Variants in ST3GAL2 observed in about 807,000 individuals in gnomAD.
ST3GAL2 encodes the protein CMP-N-acetylneuraminate-beta-galactosamide-alpha-2,3-sialyltransferase 2.
A neutral mutation model predicts 37.5 loss-of-function variants in ST3GAL2; 16 were observed. The ratio of observed to expected loss-of-function variants is 0.43; its 90% CI spans 0.29 to 0.65. The LOEUF (loss-of-function observed/expected upper bound fraction) is 0.65, where lower values mean the gene tolerates loss of function less well. Among genes scored for constraint, ST3GAL2 ranks in the 30% least tolerant of loss-of-function variants. ST3GAL2 has a pLI of 0.17. For missense variants in ST3GAL2, 383 were observed against 487.8 expected (o/e 0.79, Z 2.02); for synonymous variants, 238 against 202.9 (o/e 1.17, Z -1.47).
intron 1 of ST3GAL2, among the ~76,000 whole-genome samples, chr16:70,419,743 G>T (rs937051665): frequency 5.9e-5 from 9 of 152,184 alleles, no homozygotes; most frequent in African/African-American, 2.2e-4. Context: ...AAAGGTACAG[G>T]TGAAAACATG....
chr16:70,382,733 T>A (rs1246570244), intron 6 of ST3GAL2, 72 bp downstream of exon 6: 12 of 1,596,936 alleles, frequency 7.5e-6, no homozygotes, highest in Admixed American at 3.4e-5. Flanking sequence ...TCTGTTAGCC[T>A]GCTAAGACCC....
chr16:70,402,238 G>A (rs908502045), intron 1 of ST3GAL2, among the ~76,000 whole-genome samples: 6 of 141,998 alleles, frequency 4.2e-5, no homozygotes, highest in African/African-American at 1.6e-4. Flanking sequence ...GTGGGAGATC[G>A]TGCCAATGCA....
chr16:70,381,478 G>T lies in ST3GAL2; in HGVS notation c.*211C>A. 3.2e-6 allele frequency: 2 copies of T among 618,118 alleles called. No homozygotes were observed. Among genetic ancestry groups the T allele is most frequent in the Non-Finnish European group, 5.6e-6 (2 of 360,326 alleles). The allele number at this position is 618,118 out of a possible 1,614,324, so 38.3% of individuals were successfully genotyped here. On this transcript the variant is annotated 3_prime_UTR_variant, in exon 7 of 7. Coordinates refer to ENST00000342907, the MANE Select transcript of ST3GAL2 (RefSeq NM_006927.4). Reference sequence around the variant, plus strand: ...ACACAGCGCCGGAAGTTTTCCTTGAGTCACATGATTGGCTGGGAGAAACAG... The same window carrying T: ...ACACAGCGCCGGAAGTTTTCCTTGATTCACATGATTGGCTGGGAGAAACAG...
At chr16:70,415,096 G>T (rs1041742023) in intron 1 of ST3GAL2, among the ~76,000 whole-genome samples, 18 of 152,062 alleles carry the variant, frequency 1.2e-4, no homozygotes, top group African/African-American at 4.1e-4. Context: ...GGATGGTCTC[G>T]ATCTCCTTAC....
intron 1 of ST3GAL2, among the ~76,000 whole-genome samples, chr16:70,431,352 C>A (rs914092191): frequency 6.6e-6 from 1 of 152,206 alleles, no homozygotes; most frequent in Non-Finnish European, 1.5e-5. Flanking sequence ...GCTGCCTGCC[C>A]GCAGGGCTAG....
rs115676983 is a variant in ST3GAL2 at position 70,421,162 on chromosome 16, T to A, written c.-1004+17787A>T. ...AGAGCCCAGCACACACCTGCCTTCATGGTCCCGAGCTCCAGCTGAGCAGTC... is the reference window on the plus strand; with the variant it reads ...AGAGCCCAGCACACACCTGCCTTCAAGGTCCCGAGCTCCAGCTGAGCAGTC... On this transcript the variant is annotated intron_variant, in intron 1 of 6. Coordinates refer to ENST00000342907, the MANE Select transcript of ST3GAL2 (RefSeq NM_006927.4). Among the ~76,000 whole-genome samples the A allele has an allele frequency of 1.6e-3, 243 of 152,330 alleles. 1 individual carries two copies. Among genetic ancestry groups the A allele is most frequent in the African/African-American group, 5.2e-3 (217 of 41,580 alleles).
intron 3 of ST3GAL2, among the ~76,000 whole-genome samples, chr16:70,389,469 C>T (rs1002548154): frequency 6.6e-6 from 1 of 151,588 alleles, no homozygotes; most frequent in Non-Finnish European, 1.5e-5. Context: ...CCAGCATTCC[C>T]AGCTAAGTTT....
chr16:70,419,374 G>A (rs757337077), intron 1 of ST3GAL2, among the ~76,000 whole-genome samples: 1 of 152,234 alleles, frequency 6.6e-6, no homozygotes, highest in Non-Finnish European at 1.5e-5. Flanking sequence ...TACCAGGAAA[G>A]AGGTCACAAT....
At chr16:70,432,446 A>C (rs1263335046) in intron 1 of ST3GAL2, among the ~76,000 whole-genome samples, 1 of 141,558 alleles carries the variant, frequency 7.1e-6, no homozygotes, top group African/African-American at 2.6e-5. Context: ...GAAAGCTAGG[A>C]TTGCCCAAAG....
At chr16:70,436,876 T>C (rs1278770978) in intron 1 of ST3GAL2, among the ~76,000 whole-genome samples, 2 of 152,124 alleles carry the variant, frequency 1.3e-5, no homozygotes, top group African/African-American at 4.8e-5. Flanking sequence ...GGATGTGGTA[T>C]AGGACAACGC....
chr16:70,413,625 A>G (rs146222468), intron 1 of ST3GAL2, among the ~76,000 whole-genome samples: 1,595 of 148,370 alleles, frequency 0.011, 24 homozygotes, highest in African/African-American at 0.038. Context: ...GATCCCAGCT[A>G]CTCCGGAGGC....
chr16:70,437,073 CCT>C (rs1346907334), intron 1 of ST3GAL2, among the ~76,000 whole-genome samples: 4 of 152,142 alleles, frequency 2.6e-5, no homozygotes, highest in Non-Finnish European at 4.4e-5. Context: ...GAAATGCTCC[CCT>C]GAGGCCATAG....
rs1597549106 is a variant in ST3GAL2 at position 70,376,385 on chromosome 16, A to G, written c.*5304T>C. ...TCCCTCTGGAGAGAACCAGGCTGCC[A>G]GAGAGTCTGTGCTGTTCTCAGCAGC... is the stretch of plus-strand genomic sequence containing the variant. On this transcript the variant is annotated 3_prime_UTR_variant, in exon 7 of 7. Transcript: ENST00000342907. 6.6e-6 allele frequency: 1 copy of G among 152,348 alleles called. No individual in the cohort carries two copies. The highest frequency in any genetic ancestry group is 1.5e-5 in the Non-Finnish European group (1 of 68,052). The allele number at this position is 152,348 out of a possible 1,614,324, so 9.4% of individuals were successfully genotyped here.
chr16:70,398,644 C>T lies in ST3GAL2; in HGVS notation c.-114G>A, dbSNP rs1045887976. 2.2e-4 allele frequency: 220 copies of T among 1,008,810 alleles called. 2 individuals carry two copies. The East Asian group carries it at 5.1e-3, about 23-fold the overall frequency. The allele number at this position is 1,008,810 out of a possible 1,614,324, so 62.5% of individuals were successfully genotyped here. The stretch of plus-strand genomic sequence containing the variant: ...ACCACATGCAAAGGGCATAGGGGCA[C>T]GTGCTGCAGCAGGGGACAGTGGCAG... On this transcript the variant is annotated 5_prime_UTR_variant, in exon 2 of 7. It adds an upstream start codon to the 5' untranslated region. Transcript: ENST00000342907.
rs1474945961 is a variant in ST3GAL2 at position 70,381,854 on chromosome 16, C to T, written c.888G>A (p.Val296=). The change falls in exon 7 of 7, where the codon GTG becomes GTA. Residue 296 remains valine, a synonymous_variant. Transcript: ENST00000342907. ...CCCGGCTGTCGGCCCCGAACCCGTA[C>T]ACGTTCACCTGCGGGGAAGCGCAGC... The part of the protein sequence containing the change: ...FALHVCDEVN[V]YGFGADSRGN... 1.2e-6 allele frequency: 2 copies of T among 1,613,774 alleles called. No individual in the cohort carries two copies. Among genetic ancestry groups the T allele is most frequent in the South Asian group, 1.1e-5 (1 of 91,076 alleles).
intron 4 of ST3GAL2, among the ~76,000 whole-genome samples, chr16:70,384,800 C>T (rs1216703775): frequency 1.4e-5 from 2 of 146,654 alleles, no homozygotes; most frequent in African/African-American, 5.1e-5. Flanking sequence ...CAAGTTGGGC[C>T]GATCACCTGA....
intron 2 of ST3GAL2, among the ~76,000 whole-genome samples, chr16:70,397,476 C>A (rs2047524831): frequency 6.6e-6 from 1 of 151,984 alleles, no homozygotes; most frequent in Non-Finnish European, 1.5e-5. Context: ...GTAATCCCAG[C>A]ACTTTGGGAA....
Position 70,438,992 on chromosome 16 carries a change from G to GGCC in ST3GAL2, c.-1050_-1048dup, listed in dbSNP as rs1311196523. ...CCGCGCGGGCCATGCTCGCCGCTCC[G>GGCC]GCCGCCGCCGCCGCCCGCGCAGAAA... On this transcript the variant is annotated 5_prime_UTR_variant, in exon 1 of 7. Transcript: ENST00000342907. The GGCC allele has an allele frequency of 2.0e-3, 291 of 143,220 alleles. 2 individuals carry two copies. The highest frequency in any genetic ancestry group is 6.9e-3 in the African/African-American group (253 of 36,506). The allele number at this position is 143,220 out of a possible 1,614,324, so 8.9% of individuals were successfully genotyped here. A position where few individuals can be genotyped will look rare whatever the true frequency, so the allele number is the denominator to read the frequency against.
intron 1 of ST3GAL2, among the ~76,000 whole-genome samples, chr16:70,408,983 G>A (rs985601592): frequency 1.2e-4 from 17 of 147,150 alleles, no homozygotes; most frequent in South Asian, 2.1e-4. Flanking sequence ...CCTGAGGCAC[G>A]GGGAGAGGGT....
Sources: allele counts gnomAD v4.1 joint callset (sites outside exome capture counted in the v4.1 genomes callset), GRCh38; gene constraint gnomAD v4.1.1; transcripts MANE v1.5; gene names NCBI Gene and HGNC (gene_info 2026-07-23, HGNC 2026-07-21).